The following HIP1 variants were observed in gnomAD, a reference collection of about 807,000 sequenced individuals.
HIP1 encodes huntingtin-interacting protein 1.
A neutral mutation model predicts 147.6 loss-of-function variants in HIP1; 65 were observed. That is an observed-to-expected ratio of 0.44 (90% confidence interval 0.36 to 0.54). The LOEUF (loss-of-function observed/expected upper bound fraction) is 0.54, where lower values mean the gene tolerates loss of function less well. HIP1 is among the 20% of genes least tolerant of loss of function. The pLI is 0.00. For missense variants in HIP1, 1,061 were observed against 1,299.6 expected, an observed-to-expected ratio of 0.82 and a Z score of 2.82; for synonymous variants, 479 against 504.0, an observed-to-expected ratio of 0.95 and a Z score of 0.67.
At chr7:75,634,689 G>A (rs1798361723) in intron 1 of HIP1, among the ~76,000 whole-genome samples, 1 of 152,188 alleles carries the variant, frequency 6.6e-6, no homozygotes, top group Non-Finnish European at 1.5e-5. Flanking sequence ...ACTTTGGGAT[G>A]CTGAGGCAGG....
At chr7:75,674,499 GT>G (rs782124951) in intron 1 of HIP1, among the ~76,000 whole-genome samples, 20,774 of 78,992 alleles carry the variant, frequency 0.26, 1,480 homozygotes, top group Middle Eastern at 0.33. Context: ...GCGGCTTTTT[GT>G]TTTTTTTTTT....
chr7:75,690,803 A>T (rs1800424153), intron 1 of HIP1, among the ~76,000 whole-genome samples: 1 of 152,024 alleles, frequency 6.6e-6, no homozygotes, highest in African/African-American at 2.4e-5. Context: ...CAGAGGTTGC[A>T]GTGAGCCGAG....
chr7:75,541,896 A>G (rs1554489963), intron 29 of HIP1, 23 bp downstream of exon 29: 1 of 1,576,438 alleles, frequency 6.3e-7, no homozygotes, highest in Non-Finnish European at 8.7e-7. Flanking sequence ...GAGGCTATCT[A>G]GACTTACAGA....
At chr7:75,564,620 G>C (rs1795342004) in intron 9 of HIP1, among the ~76,000 whole-genome samples, 1 of 151,794 alleles carries the variant, frequency 6.6e-6, no homozygotes, top group Admixed American at 6.6e-5. Flanking sequence ...TTTGAGATTG[G>C]GTCTTAGTCT....
Position 75,535,362 on chromosome 7 carries a change from C to CTT in HIP1, c.*2808_*2809dup, listed in dbSNP as rs879981616. 36 of 174,086 alleles carry CTT rather than the reference C, an allele frequency of 2.1e-4. No homozygotes were observed. Among genetic ancestry groups the CTT allele is most frequent in the African/African-American group, 8.0e-4 (33 of 41,416 alleles). The allele number at this position is 174,086 out of a possible 1,614,324, so 10.8% of individuals were successfully genotyped here. On this transcript the variant is annotated 3_prime_UTR_variant, in exon 31 of 31. Transcript: ENST00000336926. ...CCTGGGCTGGGCTCTGACACAGAAT[C>CTT]TTTTTTTTTTTGAGACAGGGTCTCA...
At chr7:75,721,287 T>C (rs1453363120) in intron 1 of HIP1, among the ~76,000 whole-genome samples, 1 of 151,824 alleles carries the variant, frequency 6.6e-6, no homozygotes, top group East Asian at 1.9e-4. Context: ...TGAGGCAGAA[T>C]TGCTTGAACC....
At chr7:75,693,258 G>A (rs535689331) in intron 1 of HIP1, among the ~76,000 whole-genome samples, 58 of 151,904 alleles carry the variant, frequency 3.8e-4, no homozygotes, top group African/African-American at 1.4e-3. Flanking sequence ...CTTGTTCAAT[G>A]TGTTTTTCTT....
intron 24 of HIP1, among the ~76,000 whole-genome samples, chr7:75,547,361 A>G (rs1167803): frequency 0.75 from 113,578 of 152,068 alleles, 43,397 homozygotes; most frequent in African/African-American, 0.88. Context: ...TCCACCTCCC[A>G]GGTTCAAGTG....
At chr7:75,549,309 T>C (rs1351170731) in intron 22 of HIP1, among the ~76,000 whole-genome samples, 6 of 151,984 alleles carry the variant, frequency 3.9e-5, no homozygotes, top group African/African-American at 1.4e-4. Flanking sequence ...TCAATTGTAC[T>C]AGCTACACAG....
chr7:75,581,428 C>T, intron 6 of HIP1, 130 bp from the exon 7 acceptor site: 1 of 676,214 alleles, frequency 1.5e-6, no homozygotes, highest in Non-Finnish European at 2.7e-6. Flanking sequence ...CACACAACTC[C>T]AGCTCCAAGT....
chr7:75,616,597 G>A (rs587736973), intron 1 of HIP1, among the ~76,000 whole-genome samples: 1 of 151,244 alleles, frequency 6.6e-6, no homozygotes, highest in Non-Finnish European at 1.5e-5. Flanking sequence ...AGGAGGAGGA[G>A]GAGGAGGAGG....
intron 1 of HIP1, among the ~76,000 whole-genome samples, chr7:75,691,162 A>C (rs2117297256): frequency 6.6e-6 from 1 of 152,190 alleles, no homozygotes; most frequent in South Asian, 2.1e-4. Context: ...AGGACACAAA[A>C]GGTCACACGT....
chr7:75,604,519 A>T (rs1459604349), intron 1 of HIP1, among the ~76,000 whole-genome samples: 1 of 152,112 alleles, frequency 6.6e-6, no homozygotes, highest in Non-Finnish European at 1.5e-5. Flanking sequence ...ACAAAATATT[A>T]GCTGGGTATG....
chr7:75,624,936 A>AT (rs57832648), intron 1 of HIP1, among the ~76,000 whole-genome samples: 3,958 of 139,132 alleles, frequency 0.028, 112 homozygotes, highest in African/African-American at 0.07. Flanking sequence ...TTTTTGTTTA[A>AT]TTTTTTTTTT....
intron 1 of HIP1, among the ~76,000 whole-genome samples, chr7:75,722,058 C>T (rs1801517406): frequency 6.6e-6 from 1 of 152,204 alleles, no homozygotes; most frequent in Non-Finnish European, 1.5e-5. Context: ...AATCCCAGCA[C>T]TTTGGGAGGC....
intron 1 of HIP1, among the ~76,000 whole-genome samples, chr7:75,677,722 C>T (rs6976730): frequency 5.3e-4 from 80 of 151,922 alleles, no homozygotes; most frequent in African/African-American, 1.9e-3. Flanking sequence ...TCATCTTTAT[C>T]CCTCTCGGCC....
At chr7:75,595,234 T>TCC (rs1554501665) in intron 2 of HIP1, among the ~76,000 whole-genome samples, 171 of 112,782 alleles carry the variant, frequency 1.5e-3, no homozygotes, top group African/African-American at 5.2e-3. Context: ...CTTTCTTTCT[T>TCC]TCTTTCTTTC....
At position 75,544,806 on chromosome 7, in the gene HIP1, G is replaced by A; in HGVS notation, c.2661-6C>T. 6.3e-7 allele frequency: 1 copy of A among 1,577,292 alleles called. No individual in the cohort carries two copies. The highest frequency in any genetic ancestry group is 8.7e-7 in the Non-Finnish European group (1 of 1,146,648). ...CCACCAGATCAGCTGCATCCCTGAT[G>A]GAAAACGACAAGAGGGACTAGGTTA... On this transcript the variant is annotated splice_polypyrimidine_tract_variant and splice_region_variant and intron_variant, in intron 26 of 30. Transcript: ENST00000336926.
At chr7:75,688,430 T>TG (rs781922298) in intron 1 of HIP1, among the ~76,000 whole-genome samples, 6 of 95,096 alleles carry the variant, frequency 6.3e-5, no homozygotes, top group African/African-American at 2.5e-4. Flanking sequence ...CTGCAGGGGG[T>TG]GGGGGGGATG....
Sources: gnomAD v4.1 joint callset for allele counts (sites outside exome capture counted in the v4.1 genomes callset) on GRCh38, gnomAD v4.1.1 for gene constraint, MANE v1.5 for transcripts, NCBI Gene and HGNC (gene_info 2026-07-23, HGNC 2026-07-21) for gene names.